Variants in CDH8 observed in about 807,000 individuals in gnomAD.
CDH8 encodes the protein cadherin 8.
In CDH8, 17 loss-of-function variants were observed where a neutral mutation model predicts 68.1. The observed-to-expected ratio is 0.25, with a 90% CI of 0.17 to 0.37. The LOEUF (loss-of-function observed/expected upper bound fraction) is 0.37. Ranked by LOEUF, CDH8 falls within the 10% of genes least tolerant of loss-of-function variation. The pLI is 1.00. For synonymous variants in CDH8, 372 were observed against 365.1 expected (o/e 1.02, Z -0.21); for missense variants, 763 against 999.3 (o/e 0.76, Z 3.19).
intron 2 of CDH8, among the ~76,000 whole-genome samples, chr16:61,990,958 AGAAAGAAAGAAAG>A (rs1047634710): frequency 1.2e-3 from 184 of 150,672 alleles, no homozygotes; most frequent in African/African-American, 4.4e-3. Context: ...GAGAGAAAAA[AGAAAGAAAGAAAG>A]AGAAAGAAAG....
intron 7 of CDH8, among the ~76,000 whole-genome samples, chr16:61,794,541 T>G (rs1005756916): frequency 2.0e-5 from 3 of 152,052 alleles, no homozygotes; most frequent in African/African-American, 4.8e-5. Context: ...CTGTAAGATT[T>G]CTATTGATGA....
chr16:61,652,160 C>T lies in CDH8; in HGVS notation c.*1448G>A, dbSNP rs1484319461. On this transcript the variant is annotated 3_prime_UTR_variant, in exon 12 of 12. Transcript: ENST00000577390. ...ATACTTGAGTTTTATCATACATTTTCTACTCCTAAATGGCAGGTTTGCATT... is the reference window on the plus strand; with the variant it reads ...ATACTTGAGTTTTATCATACATTTTTTACTCCTAAATGGCAGGTTTGCATT... 1.0e-6 allele frequency: 1 copy of T among 982,168 alleles called. No individual in the cohort carries two copies. Among genetic ancestry groups the T allele is most frequent in the South Asian group, 4.7e-5 (1 of 21,230 alleles). 60.8% of individuals were successfully genotyped at this position (982,168 alleles called of 1,614,324 possible).
chr16:61,654,143 A>G (rs902533010), intron 11 of CDH8, 42 bp from the exon 12 acceptor site: 1 of 1,564,360 alleles, frequency 6.4e-7, no homozygotes, highest in African/African-American at 1.4e-5. Flanking sequence ...AAACAAGCAT[A>G]TAATTTCACA....
chr16:61,960,322 T>TGTGTGTATACACACATATATAC (rs1435548651), intron 2 of CDH8, among the ~76,000 whole-genome samples: 1 of 86,580 alleles, frequency 1.2e-5, no homozygotes, highest in South Asian at 3.7e-4. Context: ...CATATATACG[T>TGTGTGTATACACACATATATAC]GTGTGTGTAT....
intron 2 of CDH8, among the ~76,000 whole-genome samples, chr16:61,975,636 AT>A (rs1965422008): frequency 6.6e-6 from 1 of 152,214 alleles, no homozygotes; most frequent in African/African-American, 2.4e-5. Context: ...TTTTAAAAAC[AT>A]TTTCATTGTA....
At chr16:61,675,788 ATATAT>A (rs1422166635) in intron 10 of CDH8, among the ~76,000 whole-genome samples, 2 of 151,550 alleles carry the variant, frequency 1.3e-5, no homozygotes, top group African/African-American at 2.4e-5. Flanking sequence ...ATTGTAAGAA[ATATAT>A]TATTACATTG....
intron 10 of CDH8, among the ~76,000 whole-genome samples, chr16:61,663,582 A>G (rs1963610684): frequency 6.6e-6 from 1 of 152,018 alleles, no homozygotes; most frequent in Non-Finnish European, 1.5e-5. Context: ...GAATCCTCAT[A>G]ACATTGGTAC....
At chr16:61,828,330 C>T (rs1489042993) in intron 4 of CDH8, among the ~76,000 whole-genome samples, 1 of 151,840 alleles carries the variant, frequency 6.6e-6, no homozygotes, top group Non-Finnish European at 1.5e-5. Flanking sequence ...ACCAGCAGCC[C>T]CAGGGCTGCC....
intron 2 of CDH8, among the ~76,000 whole-genome samples, chr16:61,914,935 T>C (rs1354369531): frequency 1.3e-5 from 2 of 152,126 alleles, no homozygotes; most frequent in Admixed American, 1.3e-4. Flanking sequence ...AATGCATTTG[T>C]TTCATTTTAA....
chr16:61,959,542 C>CTG (rs1555524710), intron 2 of CDH8, among the ~76,000 whole-genome samples: 10 of 104,826 alleles, frequency 9.5e-5, no homozygotes, highest in South Asian at 3.1e-4. Flanking sequence ...CTCTCTCTCT[C>CTG]TGTGTGTGTG....
chr16:61,941,345 TATA>T lies in CDH8; in HGVS notation c.253-39875_253-39873del, dbSNP rs373850221. Among the ~76,000 whole-genome samples the T allele has an allele frequency of 1.2e-4, 18 of 152,336 alleles. No individual in the cohort carries two copies. In the East Asian group the frequency reaches 2.7e-3, roughly 23 times the overall value. On this transcript the variant is annotated intron_variant, in intron 2 of 11. Coordinates refer to ENST00000577390, the MANE Select transcript of CDH8 (RefSeq NM_001796.5). ...TTCTTTGACCCAAAATGATTTGAATTATAATAATGAAAAACAATAAGTAAAACA... is the reference window on the plus strand; with the variant it reads ...TTCTTTGACCCAAAATGATTTGAATTATAATGAAAAACAATAAGTAAAACA...
At position 61,702,562 on chromosome 16, in the gene CDH8, T is replaced by C. The variant is rs938757226; in HGVS notation, c.1654+11279A>G. ...ATTATCATGTTGTGATCTAGACCTG[T>C]AATACCTGAAATAGATCATTTTGAT... is the stretch of plus-strand genomic sequence containing the variant. On this transcript the variant is annotated intron_variant, in intron 10 of 11. Coordinates refer to ENST00000577390, the MANE Select transcript of CDH8 (RefSeq NM_001796.5). 1.5e-4 allele frequency among the ~76,000 whole-genome samples: 23 copies of C among 152,204 alleles called. 1 individual carries two copies. Among genetic ancestry groups the C allele is most frequent in the African/African-American group, 5.3e-4 (22 of 41,446 alleles).
chr16:61,761,498 C>A (rs1395455493), intron 8 of CDH8, among the ~76,000 whole-genome samples: 1 of 152,228 alleles, frequency 6.6e-6, no homozygotes, highest in African/African-American at 2.4e-5. Flanking sequence ...TGCAAACAAT[C>A]CCTAGAGCTA....
At chr16:61,950,549 C>T (rs998965089) in intron 2 of CDH8, among the ~76,000 whole-genome samples, 14 of 152,274 alleles carry the variant, frequency 9.2e-5, no homozygotes, top group South Asian at 2.1e-4. Flanking sequence ...TAAAGAACTA[C>T]GGTGTCAAGA....
intron 8 of CDH8, among the ~76,000 whole-genome samples, chr16:61,779,042 C>T (rs1960971517): frequency 1.3e-5 from 2 of 152,206 alleles, no homozygotes; most frequent in African/African-American, 4.8e-5. Context: ...TGCATTATCA[C>T]TAACTCAGAG....
At chr16:61,831,094 G>A (rs1962444914) in intron 4 of CDH8, among the ~76,000 whole-genome samples, 1 of 151,740 alleles carries the variant, frequency 6.6e-6, no homozygotes, top group Non-Finnish European at 1.5e-5. Context: ...GGGTACCTAT[G>A]CCTCCTGGAG....
At chr16:61,713,778 A>T in intron 10 of CDH8, 63 bp downstream of exon 10, 1 of 862,244 alleles carries the variant, frequency 1.2e-6, no homozygotes, top group Non-Finnish European at 1.9e-6. Flanking sequence ...CAGTTATGTT[A>T]TGAAATTGCA....
chr16:61,760,841 G>C (rs1173442579), intron 8 of CDH8, among the ~76,000 whole-genome samples: 1 of 151,934 alleles, frequency 6.6e-6, no homozygotes, highest in East Asian at 1.9e-4. Flanking sequence ...TCAAAATGTG[G>C]GTTAAAATTA....
intron 10 of CDH8, among the ~76,000 whole-genome samples, chr16:61,706,644 A>AAAAAAAAAAAAAAAAAAAAAT (rs1468847521): frequency 6.8e-6 from 1 of 148,134 alleles, no homozygotes; most frequent in Non-Finnish European, 1.5e-5. Context: ...AAAAAAAAAA[A>AAAAAAAAAAAAAAAAAAAAAT]GTGTAACTGG....
Sources: gnomAD v4.1 joint callset for allele counts (sites outside exome capture counted in the v4.1 genomes callset) on GRCh38, gnomAD v4.1.1 for gene constraint, MANE v1.5 for transcripts, NCBI Gene and HGNC (gene_info 2026-07-23, HGNC 2026-07-21) for gene names.